The following DSCAML1 variants were observed in gnomAD, a reference collection of about 807,000 sequenced individuals.
DSCAML1 encodes DS cell adhesion molecule like 1, also known as cell adhesion molecule DSCAML1.
DSCAML1 carries 38 observed loss-of-function variants against 200.5 expected under a neutral mutation model. That is an observed-to-expected ratio of 0.19 (90% CI 0.15 to 0.25). The LOEUF (loss-of-function observed/expected upper bound fraction) is 0.25, where lower values mean the gene tolerates loss of function less well. DSCAML1 is among the 10% of genes least tolerant of loss of function. The pLI, the probability that DSCAML1 is intolerant of heterozygous loss-of-function variation, is 1.00. For missense variants in DSCAML1, 2,223 were observed against 2,858.8 expected, an observed-to-expected ratio of 0.78 and a Z score of 5.07; for synonymous variants, 1,215 against 1,165.0, an observed-to-expected ratio of 1.04 and a Z score of -0.87.
At chr11:117,644,661 A>AGCCGCGGAGTCC (rs1342868378) in intron 3 of DSCAML1, among the ~76,000 whole-genome samples, 7 of 152,138 alleles carry the variant, frequency 4.6e-5, no homozygotes, top group African/African-American at 1.7e-4. Flanking sequence ...GCCGAGGGGG[A>AGCCGCGGAGTCC]GCCGCGGAGT....
At chr11:117,695,765 G>C (rs150638696) in intron 3 of DSCAML1, among the ~76,000 whole-genome samples, 62 of 152,330 alleles carry the variant, frequency 4.1e-4, no homozygotes, top group African/African-American at 1.4e-3. Context: ...CCGGGTGCTT[G>C]CCATGAGCCT....
chr11:117,599,449 ACTTTT>A (rs1276556576), intron 3 of DSCAML1, among the ~76,000 whole-genome samples: 5 of 152,298 alleles, frequency 3.3e-5, no homozygotes, highest in Admixed American at 2.0e-4. Context: ...AATGTTGGAC[ACTTTT>A]CTTTTGAGTA....
intron 3 of DSCAML1, among the ~76,000 whole-genome samples, chr11:117,764,328 T>G (rs1037813084): frequency 2.0e-5 from 3 of 152,224 alleles, no homozygotes; most frequent in African/African-American, 7.2e-5. Context: ...TATGTACCTA[T>G]TCAATATGTA....
At chr11:117,806,418 G>A (rs745653867) in intron 1 of DSCAML1, among the ~76,000 whole-genome samples, 9 of 152,152 alleles carry the variant, frequency 5.9e-5, no homozygotes, top group Non-Finnish European at 1.2e-4. Flanking sequence ...AAGACTCATC[G>A]GTCCAAACTC....
chr11:117,432,486 A>G lies in DSCAML1; in HGVS notation c.5045T>C (p.Ile1682Thr). 1 of 1,614,000 alleles carries G rather than the reference A, an allele frequency of 6.2e-7. No homozygotes were observed. The highest frequency in any genetic ancestry group is 2.2e-5 in the East Asian group (1 of 44,888). Reference protein sequence around the residue: ...IKQLGDDKATIPVTDAEFSQA... With the variant: ...IKQLGDDKATTPVTDAEFSQA... ...GCTGAACTCAGCATCTGTCACAGGG[A>G]TGGTGGCCTTGTCATCTCCTGGGGA... is the stretch of plus-strand genomic sequence containing the variant. The change falls in exon 30 of 33, where the codon ATC (isoleucine) becomes ACC (threonine). Residue 1682 changes from isoleucine to threonine, a missense_variant. Physicochemically the swap from Ile to Thr is moderately conservative, Grantham distance 89 (BLOSUM62 -1). This residue lies in a region of DSCAML1 where 614 missense variants were observed against 739.1 expected (regional missense o/e 0.83). Transcript: ENST00000651296.
intron 1 of DSCAML1, among the ~76,000 whole-genome samples, chr11:117,792,157 CCT>C (rs1259178359): frequency 6.6e-6 from 1 of 152,204 alleles, no homozygotes; most frequent in African/African-American, 2.4e-5. Context: ...CTGTCCATCC[CCT>C]GAGGCTCCAC....
chr11:117,672,224 T>C (rs1481533552), intron 3 of DSCAML1, among the ~76,000 whole-genome samples: 1 of 151,888 alleles, frequency 6.6e-6, no homozygotes, highest in Non-Finnish European at 1.5e-5. Context: ...AGCAGGTTAC[T>C]GTGGAAGCAA....
rs1408391845 is a variant in DSCAML1 at position 117,435,626 on chromosome 11, C to G, written c.4876+18G>C. 6.3e-7 allele frequency: 1 copy of G among 1,586,834 alleles called. No individual in the cohort carries two copies. The highest frequency in any genetic ancestry group is 8.6e-7 in the Non-Finnish European group (1 of 1,159,256). On this transcript the variant is annotated intron_variant, in intron 27 of 32. Transcript: ENST00000651296. ...AGCCAACACCCCCTCCTGGAAGGCC[C>G]ATAGGAAGCTCCCCCACCTCGGAGT...
chr11:117,503,720 G>A lies in DSCAML1; in HGVS notation c.2359+125C>T, dbSNP rs1592673460. The A allele has an allele frequency of 8.6e-7, 1 of 1,157,202 alleles. No homozygotes were observed. The highest frequency in any genetic ancestry group is 1.2e-6 in the Non-Finnish European group (1 of 835,358). The allele number at this position is 1,157,202 out of a possible 1,614,324, so 71.7% of individuals were successfully genotyped here. Reference sequence around the variant, plus strand: ...GGGTCCCAAGGCCACCTCTCACTAGGAAGCCTTCCTGCCTCCCCTTCATAG... The same window carrying A: ...GGGTCCCAAGGCCACCTCTCACTAGAAAGCCTTCCTGCCTCCCCTTCATAG... On this transcript the variant is annotated intron_variant, in intron 11 of 32. Coordinates refer to ENST00000651296, the MANE Select transcript of DSCAML1 (RefSeq NM_020693.4). The surrounding 1 kb of genome is among the most constrained non-coding windows in gnomAD (Gnocchi z 5.2).
At chr11:117,525,781 G>C (rs1214218639) in intron 4 of DSCAML1, among the ~76,000 whole-genome samples, 1 of 152,186 alleles carries the variant, frequency 6.6e-6, no homozygotes, top group Admixed American at 6.5e-5. Context: ...TTCTGGCCCA[G>C]GCTGTAGAGC....
At position 117,498,062 on chromosome 11, in the gene DSCAML1, G is replaced by C. The variant is rs1459118899; in HGVS notation, c.2359+5783C>G. On this transcript the variant is annotated intron_variant, in intron 11 of 32. Transcript: ENST00000651296. The surrounding 1 kb of genome is among the most constrained non-coding windows in gnomAD (Gnocchi z 4.0). The stretch of plus-strand genomic sequence containing the variant: ...GTCAGCCAGTCCAGATTCCAGAGTG[G>C]GCAAAGGCCTGTGCTGAGCTGGGTG... Among the ~76,000 whole-genome samples, 1 of 152,224 alleles carries C rather than the reference G, an allele frequency of 6.6e-6. No individual in the cohort carries two copies. The highest frequency in any genetic ancestry group is 1.5e-5 in the Non-Finnish European group (1 of 68,042).
intron 8 of DSCAML1, among the ~76,000 whole-genome samples, chr11:117,511,815 T>G (rs1335744275): frequency 6.6e-6 from 1 of 152,274 alleles, no homozygotes; most frequent in African/African-American, 2.4e-5. Context: ...GTGTAACTGC[T>G]GGCATGCATG....
intron 11 of DSCAML1, among the ~76,000 whole-genome samples, chr11:117,483,281 G>T (rs1483090651): frequency 2.6e-5 from 4 of 152,200 alleles, no homozygotes; most frequent in African/African-American, 9.7e-5. Flanking sequence ...ATGAGACAGG[G>T]TCCTTGCCTC....
chr11:117,791,836 G>C (rs2055472583), intron 1 of DSCAML1, among the ~76,000 whole-genome samples: 1 of 152,218 alleles, frequency 6.6e-6, no homozygotes, highest in Non-Finnish European at 1.5e-5. Context: ...GGAAGGTAGA[G>C]GCAATGCAGA....
At chr11:117,479,649 CTTTT>C (rs755839320) in intron 14 of DSCAML1, among the ~76,000 whole-genome samples, 3 of 151,920 alleles carry the variant, frequency 2.0e-5, no homozygotes, top group Non-Finnish European at 4.4e-5. Flanking sequence ...CTGGGAAGGG[CTTTT>C]TTTGTTTTTT....
chr11:117,616,142 G>A (rs369943311), intron 3 of DSCAML1, among the ~76,000 whole-genome samples: 1 of 152,198 alleles, frequency 6.6e-6, no homozygotes, highest in South Asian at 2.1e-4. Context: ...TTTGATGCCT[G>A]AGTCTTCTTT....
intron 11 of DSCAML1, among the ~76,000 whole-genome samples, chr11:117,495,200 C>T (rs73024374): frequency 0.02 from 3,033 of 152,272 alleles, 73 homozygotes; most frequent in East Asian, 0.095. Context: ...AGTGCACCCC[C>T]TGTTATGCTC....
chr11:117,657,892 T>C (rs538777639), intron 3 of DSCAML1, among the ~76,000 whole-genome samples: 2 of 152,280 alleles, frequency 1.3e-5, no homozygotes, highest in South Asian at 4.2e-4. Context: ...AAGGATGTTC[T>C]GCTCCTGGAA....
At chr11:117,678,193 C>A (rs942499211) in intron 3 of DSCAML1, among the ~76,000 whole-genome samples, 9 of 152,336 alleles carry the variant, frequency 5.9e-5, no homozygotes, top group African/African-American at 2.2e-4. Context: ...TCCTCCCAGC[C>A]TGGAGTCAGC....
Sources: gnomAD v4.1 joint callset for allele counts (sites outside exome capture counted in the v4.1 genomes callset) on GRCh38, gnomAD v4.1.1 for gene constraint, gnomAD v4.1.1 regional missense constraint, Gnocchi (gnomAD v3.1) non-coding constraint, MANE v1.5 for transcripts, NCBI Gene and HGNC (gene_info 2026-07-23, HGNC 2026-07-21) for gene names.